The following MRRF variants were observed in gnomAD, a reference collection of about 807,000 sequenced individuals.
MRRF encodes the protein mitochondrial ribosome recycling factor.
A neutral mutation model predicts 25.1 loss-of-function variants in MRRF; 18 were observed. The observed-to-expected ratio is 0.72, with a 90% CI of 0.50 to 1.06. The LOEUF is 1.06. Ranked by LOEUF, MRRF falls within the 50% of genes least tolerant of loss-of-function variation. MRRF has a pLI of 0.00. For missense variants in MRRF, 323 were observed against 319.3 expected (o/e 1.01, Z -0.09); for synonymous variants, 113 against 112.1 (o/e 1.01, Z -0.05).
At chr9:122,320,468 A>AT (rs2119010998) in intron 6 of MRRF, among the ~76,000 whole-genome samples, 1 of 152,222 alleles carries the variant, frequency 6.6e-6, no homozygotes, top group Non-Finnish European at 1.5e-5. Context: ...TTTAGCCATC[A>AT]TTCCTGGCTG....
intron 5 of MRRF, among the ~76,000 whole-genome samples, chr9:122,298,097 A>G (rs1181971723): frequency 6.6e-6 from 1 of 152,206 alleles, no homozygotes; most frequent in Non-Finnish European, 1.5e-5. Flanking sequence ...TAGTAAAGGT[A>G]GAGTTGAGCA....
chr9:122,288,628 G>A (rs369732567), intron 4 of MRRF, among the ~76,000 whole-genome samples: 2 of 152,282 alleles, frequency 1.3e-5, no homozygotes, highest in African/African-American at 4.8e-5. Flanking sequence ...TATTAAGACA[G>A]ACTATGTGTC....
rs1164272544 is a variant in MRRF, at chr9:122,271,025, T to C, written c.134T>C (p.Met45Thr). 6.2e-7 allele frequency: 1 copy of C among 1,614,182 alleles called. No individual in the cohort carries two copies. The highest frequency in any genetic ancestry group is 1.1e-5 in the South Asian group (1 of 91,080). ...HERQHGHRQY[M>T]AYSAVPVRHF... is the part of the protein sequence containing the mutation. ...AGACAACATGGCCATAGGCAATACA[T>C]GGCCTATTCAGCTGTACCAGTCCGC... is the stretch of plus-strand genomic sequence containing the variant. The change falls in exon 2 of 7, where the codon ATG becomes ACG. Residue 45 changes from methionine to threonine, a missense_variant. Met to Thr is a moderately conservative substitution (Grantham distance 81). Transcript: ENST00000344641.
intron 5 of MRRF, among the ~76,000 whole-genome samples, chr9:122,299,648 C>G (rs927600020): frequency 4.6e-5 from 7 of 151,924 alleles, no homozygotes; most frequent in Admixed American, 6.5e-5. Flanking sequence ...TTGGACACTT[C>G]AAGGTTTGGG....
chr9:122,310,105 T>C (rs1835110575), intron 5 of MRRF, among the ~76,000 whole-genome samples: 1 of 152,258 alleles, frequency 6.6e-6, no homozygotes. Flanking sequence ...ACAATAACTC[T>C]GAAAGGGAGG....
intron 1 of MRRF, 122 bp from the exon 2 acceptor site, chr9:122,270,742 A>G (rs1309637259): frequency 5.3e-6 from 4 of 750,588 alleles, no homozygotes; most frequent in Non-Finnish European, 9.5e-6. Context: ...AATGTATTTA[A>G]ATTGTCTAGT....
chr9:122,269,717 C>G (rs1832332915), intron 1 of MRRF, among the ~76,000 whole-genome samples: 1 of 152,002 alleles, frequency 6.6e-6, no homozygotes, highest in Non-Finnish European at 1.5e-5. Flanking sequence ...CAGAGTGTGA[C>G]TCAGTCTCAA....
At chr9:122,299,376 A>G (rs999509812) in intron 5 of MRRF, among the ~76,000 whole-genome samples, 2 of 151,736 alleles carry the variant, frequency 1.3e-5, no homozygotes, top group African/African-American at 4.8e-5. Context: ...CAGCCTCCCA[A>G]AGTGCTGGGA....
intron 2 of MRRF, among the ~76,000 whole-genome samples, chr9:122,273,845 T>A (rs1271972233): frequency 6.6e-6 from 1 of 152,248 alleles, no homozygotes; most frequent in Non-Finnish European, 1.5e-5. Flanking sequence ...ATGTCCATGT[T>A]GTGCACATAA....
chr9:122,268,563 T>G (rs1202341773), intron 1 of MRRF, among the ~76,000 whole-genome samples: 1 of 152,238 alleles, frequency 6.6e-6, no homozygotes, highest in East Asian at 1.9e-4. Context: ...TAGCTCCATG[T>G]CCTTGGACAG....
chr9:122,285,750 TTGA>T, intron 4 of MRRF: 1 of 1,254,930 alleles, frequency 8.0e-7, no homozygotes, highest in Non-Finnish European at 1.0e-6. Context: ...TCTGTAAATG[TTGA>T]TGACTAATTG....
chr9:122,315,085 T>TG (rs3215926), intron 6 of MRRF, among the ~76,000 whole-genome samples: 2,196 of 151,280 alleles, frequency 0.015, 32 homozygotes, highest in Non-Finnish European at 0.019. Context: ...AACAGTCACC[T>TG]GGGGGGGGGA....
chr9:122,284,238 G>A (rs1833250715), intron 3 of MRRF, among the ~76,000 whole-genome samples: 1 of 152,144 alleles, frequency 6.6e-6, no homozygotes, highest in Admixed American at 6.5e-5. Flanking sequence ...CCGGATTTGA[G>A]TTCCATTTGT....
chr9:122,314,448 A>AGGG (rs1835391458), intron 6 of MRRF, among the ~76,000 whole-genome samples: 6 of 152,194 alleles, frequency 3.9e-5, no homozygotes, highest in African/African-American at 7.2e-5. Flanking sequence ...GGAAATATAT[A>AGGG]TATTTATGGA....
chr9:122,285,170 A>G lies in MRRF; in HGVS notation c.342A>G (p.Gly114=). Residue 114 remains glycine, a splice_region_variant and synonymous_variant, in exon 4 of 7, where the codon GGA becomes GGG. Coordinates refer to ENST00000344641, the MANE Select transcript of MRRF (RefSeq NM_138777.5). ...NKTLNIRTSP[G]SLDKIAVVTA... ...AAAACTCTGTAATTTTTCTTTTAGGATCCCTTGACAAGATTGCTGTGGTAA... is the reference window on the plus strand; with the variant it reads ...AAAACTCTGTAATTTTTCTTTTAGGGTCCCTTGACAAGATTGCTGTGGTAA... 1.3e-6 allele frequency: 2 copies of G among 1,599,344 alleles called. No homozygotes were observed. The highest frequency in any genetic ancestry group is 1.7e-6 in the Non-Finnish European group (2 of 1,166,626).
chr9:122,304,445 A>G (rs1834702413), intron 5 of MRRF, among the ~76,000 whole-genome samples: 1 of 152,184 alleles, frequency 6.6e-6, no homozygotes, highest in South Asian at 2.1e-4. Context: ...CCCAGCGTAG[A>G]TGTACCAATT....
intron 2 of MRRF, among the ~76,000 whole-genome samples, chr9:122,279,382 T>A (rs1408025272): frequency 1.3e-5 from 2 of 152,250 alleles, no homozygotes; most frequent in African/African-American, 4.8e-5. Context: ...AGAGCTATCT[T>A]GGATAGCAAG....
rs1461449466 is a variant in MRRF, at chr9:122,323,388, T to C, written c.*771T>C. The stretch of plus-strand genomic sequence containing the variant: ...AATTAGCCTGTATATCCTCAGAACT[T>C]TGTGTAATGCCTGGAGCATAGTAGG... On this transcript the variant is annotated 3_prime_UTR_variant, in exon 7 of 7. Coordinates refer to ENST00000344641, the MANE Select transcript of MRRF (RefSeq NM_138777.5). The C allele has an allele frequency of 3.3e-5, 5 of 152,520 alleles. No homozygotes were observed. Among genetic ancestry groups the C allele is most frequent in the Admixed American group, 3.3e-4 (5 of 15,318 alleles). 9.4% of individuals were successfully genotyped at this position (152,520 alleles called of 1,614,324 possible).
At position 122,280,614 on chromosome 9, in the gene MRRF, A is replaced by G. The variant is rs1833044967; in HGVS notation, c.340+16A>G. On this transcript the variant is annotated intron_variant, in intron 3 of 6. Coordinates refer to ENST00000344641, the MANE Select transcript of MRRF (RefSeq NM_138777.5). ...ACCTCACCAGGTTAGTGACTGAACCAATGTTCTGGGGAGGGATGTAATGGA... is the reference window on the plus strand; with the variant it reads ...ACCTCACCAGGTTAGTGACTGAACCGATGTTCTGGGGAGGGATGTAATGGA... The G allele has an allele frequency of 6.2e-7, 1 of 1,612,730 alleles. No individual in the cohort carries two copies. Among genetic ancestry groups the G allele is most frequent in the Non-Finnish European group, 8.5e-7 (1 of 1,178,824 alleles).
Sources: gnomAD v4.1 joint callset for allele counts (sites outside exome capture counted in the v4.1 genomes callset) on GRCh38, gnomAD v4.1.1 for gene constraint, MANE v1.5 for transcripts, NCBI Gene and HGNC (gene_info 2026-07-23, HGNC 2026-07-21) for gene names.